The following IQUB variants were observed in gnomAD, a reference collection of about 807,000 sequenced individuals.
IQUB encodes the protein IQ motif and ubiquitin domain containing.
IQUB carries 86 observed loss-of-function variants against 86.4 expected under a neutral mutation model. The observed-to-expected ratio is 1.00, with a 90% CI of 0.84 to 1.19. IQUB has a LOEUF of 1.19. Among genes scored for constraint, IQUB ranks in the 50% most tolerant of loss-of-function variants. IQUB has a pLI of 0.00. For missense variants in IQUB, 946 were observed against 916.9 expected (o/e 1.03, Z -0.41); for synonymous variants, 289 against 304.5 (o/e 0.95, Z 0.53).
Position 123,510,030 on chromosome 7 carries a change from CT to C in IQUB, c.402del (p.Val135LeufsTer11), listed in dbSNP as rs774768458. On this transcript the variant is annotated frameshift_variant, in exon 3 of 13. Transcript: ENST00000324698. LOFTEE classifies it high-confidence loss of function. ...TCCTGGCCCACTGGAATAAGTACAA[CT>C]TTTACTGTAAATTAAATAGAAAAGA... is the stretch of plus-strand genomic sequence containing the variant. The part of the protein sequence containing the change: ...ESVEDSLATV[K>X]VVLIPVGQEI... 8 of 1,543,874 alleles carry C rather than the reference CT, an allele frequency of 5.2e-6. No homozygotes were observed. The Admixed American group carries it at 9.8e-5, about 19-fold the overall frequency.
At chr7:123,508,414 G>A (rs1796283757) in intron 3 of IQUB, among the ~76,000 whole-genome samples, 1 of 152,130 alleles carries the variant, frequency 6.6e-6, no homozygotes, top group Non-Finnish European at 1.5e-5. Context: ...ACCAATACAG[G>A]GTCCCCAGAG....
intron 11 of IQUB, among the ~76,000 whole-genome samples, chr7:123,458,723 A>G (rs759292611): frequency 2.6e-5 from 4 of 152,032 alleles, no homozygotes; most frequent in Non-Finnish European, 5.9e-5. Context: ...AAATGTGCAC[A>G]TAAGTGTGGT....
chr7:123,452,265 T>C lies in IQUB; in HGVS notation c.*478A>G, dbSNP rs1793454886. ...AAAGCAGACGATAAACTGCAAAGAT[T>C]CAAATGCCTATACTAAAATATAAAT... On this transcript the variant is annotated 3_prime_UTR_variant, in exon 13 of 13. Coordinates refer to ENST00000324698, the MANE Select transcript of IQUB (RefSeq NM_178827.5). The C allele has an allele frequency of 6.6e-6, 1 of 151,918 alleles. No homozygotes were observed. Among genetic ancestry groups the C allele is most frequent in the Non-Finnish European group, 1.5e-5 (1 of 68,048 alleles). The allele number at this position is 151,918 out of a possible 1,614,324, so 9.4% of individuals were successfully genotyped here. A position where few individuals can be genotyped will look rare whatever the true frequency, so the allele number is the denominator to read the frequency against.
chr7:123,470,481 T>C (rs1794469758), intron 8 of IQUB, among the ~76,000 whole-genome samples: 1 of 152,178 alleles, frequency 6.6e-6, no homozygotes, highest in Non-Finnish European at 1.5e-5. Flanking sequence ...AAGGTTTAAA[T>C]GGAAGCTCTA....
chr7:123,463,742 C>CTTACCAAAAAGAGTAAATT (rs1794111918), intron 10 of IQUB, among the ~76,000 whole-genome samples: 1 of 151,574 alleles, frequency 6.6e-6, no homozygotes, highest in Non-Finnish European at 1.5e-5. Flanking sequence ...TTTTTCAGAA[C>CTTACCAAAAAGAGTAAATT]TTACCAAAAA....
At chr7:123,526,375 T>C (rs924627858) in intron 1 of IQUB, among the ~76,000 whole-genome samples, 3 of 152,090 alleles carry the variant, frequency 2.0e-5, no homozygotes, top group Non-Finnish European at 4.4e-5. Flanking sequence ...GCTTTATGAA[T>C]CTGGGTGCTC....
At chr7:123,522,854 T>TC (rs1251133734) in intron 1 of IQUB, among the ~76,000 whole-genome samples, 1 of 69,104 alleles carries the variant, frequency 1.4e-5, no homozygotes, top group Non-Finnish European at 2.6e-5. Context: ...CCCTCCCCCC[T>TC]CCCCCCACCC....
chr7:123,463,832 T>C lies in IQUB; in HGVS notation c.1758+1001A>G, dbSNP rs137922180. Among the ~76,000 whole-genome samples the C allele has an allele frequency of 5.4e-3, 817 of 151,900 alleles. 9 individuals are homozygous for C. The highest frequency in any genetic ancestry group is 0.019 in the African/African-American group (785 of 41,520). ...TGTAAAATTGTAGAAACTCTATCAA[T>C]TGTATTACTCCAAATATAAACTGAA... On this transcript the variant is annotated intron_variant, in intron 10 of 12. Transcript: ENST00000324698.
At position 123,503,470 on chromosome 7, in the gene IQUB, A is replaced by G. The variant is rs560870614; in HGVS notation, c.533-107T>C. ...CAAATAAAAATTGTATATATTGTGT[A>G]CAGCATGCTTTGAACTATGTATACA... On this transcript the variant is annotated intron_variant, in intron 3 of 12. Coordinates refer to ENST00000324698, the MANE Select transcript of IQUB (RefSeq NM_178827.5). The G allele has an allele frequency of 1.2e-4, 79 of 662,052 alleles. 1 individual carries two copies. The East Asian group carries it at 2.1e-3, about 18-fold the overall frequency. The allele number at this position is 662,052 out of a possible 1,614,324, so 41.0% of individuals were successfully genotyped here. A position where few individuals can be genotyped will look rare whatever the true frequency, so the allele number is the denominator to read the frequency against.
chr7:123,452,635 A>T lies in IQUB; in HGVS notation c.*108T>A. Reference sequence around the variant, plus strand: ...CTCAAAATACTATGAAAAACAAAAAACAAAATCAATAAACAGATTAAATTC... The same window carrying T: ...CTCAAAATACTATGAAAAACAAAAATCAAAATCAATAAACAGATTAAATTC... On this transcript the variant is annotated 3_prime_UTR_variant, in exon 13 of 13. Coordinates refer to ENST00000324698, the MANE Select transcript of IQUB (RefSeq NM_178827.5). 1.5e-6 allele frequency: 1 copy of T among 651,388 alleles called. No individual in the cohort carries two copies. Among genetic ancestry groups the T allele is most frequent in the Non-Finnish European group, 2.3e-6 (1 of 429,696 alleles). The allele number at this position is 651,388 out of a possible 1,614,324, so 40.4% of individuals were successfully genotyped here.
intron 8 of IQUB, among the ~76,000 whole-genome samples, chr7:123,473,874 C>G (rs1383361305): frequency 1.3e-5 from 2 of 152,092 alleles, no homozygotes; most frequent in African/African-American, 4.8e-5. Context: ...CGTGAGCCAC[C>G]ATGCCCAGCC....
intron 1 of IQUB, among the ~76,000 whole-genome samples, chr7:123,530,155 T>G (rs982296635): frequency 3.3e-5 from 5 of 152,138 alleles, no homozygotes; most frequent in African/African-American, 1.2e-4. Flanking sequence ...TGCAATGAGA[T>G]GAGATCATGC....
intron 2 of IQUB, among the ~76,000 whole-genome samples, chr7:123,510,585 T>A (rs932311874): frequency 2.0e-5 from 3 of 152,160 alleles, no homozygotes; most frequent in East Asian, 3.8e-4. Context: ...TAAACTGTTT[T>A]ACATCTACAG....
In IQUB at chr7:123,452,601, T is replaced by C; in HGVS notation, c.*142A>G. On this transcript the variant is annotated 3_prime_UTR_variant, in exon 13 of 13. Transcript: ENST00000324698. ...CTTACTTATATAGAAATGTTTTCTC[T>C]TTATATAACTCAAAATACTATGAAA... 6.5e-6 allele frequency: 3 copies of C among 459,490 alleles called. No homozygotes were observed. The East Asian group carries it at 1.0e-4, about 16-fold the overall frequency. 28.5% of individuals were successfully genotyped at this position (459,490 alleles called of 1,614,324 possible).
At chr7:123,461,229 A>T in intron 11 of IQUB, 128 bp downstream of exon 11, 1 of 950,888 alleles carries the variant, frequency 1.1e-6, no homozygotes, top group Non-Finnish European at 1.6e-6. Context: ...CTGCCCTCAC[A>T]GAGCTTACAG....
intron 1 of IQUB, among the ~76,000 whole-genome samples, chr7:123,524,656 T>C (rs2117346650): frequency 6.6e-6 from 1 of 151,428 alleles, no homozygotes; most frequent in African/African-American, 2.4e-5. Context: ...ACAGGGACAA[T>C]TTGACTTCCT....
At chr7:123,491,537 A>G (rs1295759421) in intron 7 of IQUB, among the ~76,000 whole-genome samples, 2 of 152,214 alleles carry the variant, frequency 1.3e-5, no homozygotes, top group African/African-American at 4.8e-5. Flanking sequence ...TAAAAGGATA[A>G]CATGGAACAT....
rs192129482 is a variant in IQUB at position 123,464,754 on chromosome 7, C to G, written c.1758+79G>C. 25 of 963,658 alleles carry G rather than the reference C, an allele frequency of 2.6e-5. No individual in the cohort carries two copies. The East Asian group carries it at 5.3e-4, about 21-fold the overall frequency. 59.7% of individuals were successfully genotyped at this position (963,658 alleles called of 1,614,324 possible). A position where few individuals can be genotyped will look rare whatever the true frequency, so the allele number is the denominator to read the frequency against. ...TGGACTCCCAAGTAAAGTGTTAAAG[C>G]AAAATTTGAATATACTTCAATTTAC... On this transcript the variant is annotated intron_variant, in intron 10 of 12. Coordinates refer to ENST00000324698, the MANE Select transcript of IQUB (RefSeq NM_178827.5).
intron 11 of IQUB, chr7:123,459,658 T>G (rs1327847567): frequency 6.6e-6 from 1 of 152,008 alleles, no homozygotes; most frequent in East Asian, 1.9e-4. Context: ...ATATAACATA[T>G]ATGTATAACA....
Sources: gnomAD v4.1 joint callset for allele counts (sites outside exome capture counted in the v4.1 genomes callset) on GRCh38, gnomAD v4.1.1 for gene constraint, MANE v1.5 for transcripts, NCBI Gene and HGNC (gene_info 2026-07-23, HGNC 2026-07-21) for gene names.